HS6ST2: variants seen among roughly 807,000 people sequenced by gnomAD.
The protein encoded by HS6ST2 is heparan sulfate 6-O-sulfotransferase 2.
Under a neutral mutation model 33.0 loss-of-function variants are expected in HS6ST2, and 17 were observed. The ratio of observed to expected loss-of-function variants is 0.52; its 90% CI spans 0.35 to 0.77. The LOEUF is 0.77. Ranked by LOEUF, HS6ST2 falls within the 30% of genes least tolerant of loss-of-function variation. The pLI is 0.01. For synonymous variants in HS6ST2, 248 were observed against 237.1 expected (o/e 1.05, Z -0.42); for missense variants, 519 against 551.7 (o/e 0.94, Z 0.59).
intron 4 of HS6ST2, among the ~76,000 whole-genome samples, chrX:132,645,297 C>T (rs1378829291): frequency 5.3e-5 from 6 of 112,704 alleles, no homozygotes; most frequent in Non-Finnish European, 3.8e-5. Context: ...GGGCAGGAGG[C>T]CATCCAAAAA....
chrX:132,949,439 C>T (rs111994088), intron 2 of HS6ST2, among the ~76,000 whole-genome samples: 1,266 of 110,701 alleles, frequency 0.011, 8 homozygotes, highest in South Asian at 0.052. Flanking sequence ...CTATACCATA[C>T]TGGTATAAAA....
intron 2 of HS6ST2, among the ~76,000 whole-genome samples, chrX:132,756,461 C>T (rs951562387): frequency 9.0e-6 from 1 of 111,346 alleles, no homozygotes; most frequent in Admixed American, 9.6e-5. Context: ...CTCTCATTGA[C>T]TCCTTTGCCC....
At chrX:132,869,681 A>AAAC (rs2066036863) in intron 2 of HS6ST2, among the ~76,000 whole-genome samples, 1 of 112,098 alleles carries the variant, frequency 8.9e-6, no homozygotes, top group East Asian at 2.8e-4. Context: ...GATTATCTCA[A>AAAC]TACATGCAGA....
Position 132,922,313 on chromosome X carries a change from AC to A in HS6ST2, c.947+34494del, listed in dbSNP as rs2066660154. Among the ~76,000 whole-genome samples the A allele has an allele frequency of 2.7e-5, 3 of 112,017 alleles. No individual in the cohort carries two copies. The South Asian group carries it at 1.1e-3, about 42-fold the overall frequency. On this transcript the variant is annotated intron_variant, in intron 2 of 4. Coordinates refer to ENST00000370833, the MANE Select transcript of HS6ST2 (RefSeq NM_001394073.1). ...AGTCCCAGCTACTCCAAACAAAAAA[AC>A]AACTTCCTAGGCAGATGTGGATAGT...
chrX:132,849,782 T>C (rs1040060975), intron 2 of HS6ST2, among the ~76,000 whole-genome samples: 15 of 112,153 alleles, frequency 1.3e-4, no homozygotes, highest in African/African-American at 4.9e-4. Flanking sequence ...CAGAAAACTT[T>C]TAGAAAAGCT....
intron 4 of HS6ST2, among the ~76,000 whole-genome samples, chrX:132,656,978 C>T (rs1243561460): frequency 2.7e-5 from 3 of 111,446 alleles, no homozygotes; most frequent in Non-Finnish European, 5.7e-5. Context: ...GGCTCAATGG[C>T]CTGGGTGGCT....
intron 2 of HS6ST2, among the ~76,000 whole-genome samples, chrX:132,920,589 A>G (rs1344261119): frequency 1.8e-5 from 2 of 112,358 alleles, no homozygotes; most frequent in African/African-American, 6.5e-5. Flanking sequence ...ACTAGCTAAC[A>G]TTTTGATTTA....
At position 132,914,193 on chromosome X, in the gene HS6ST2, A is replaced by G. The variant is rs1306442021; in HGVS notation, c.947+42615T>C. 2.7e-5 allele frequency among the ~76,000 whole-genome samples: 3 copies of G among 112,731 alleles called. 1 individual carries two copies. Among genetic ancestry groups the G allele is most frequent in the Admixed American group, 1.9e-4 (2 of 10,676 alleles). The stretch of plus-strand genomic sequence containing the variant: ...CCCATTCTGCTCTCCCAGAGGGAGA[A>G]AAAGATTAAGGTGTCATGATGTTGC... On this transcript the variant is annotated intron_variant, in intron 2 of 4. Coordinates refer to ENST00000370833, the MANE Select transcript of HS6ST2 (RefSeq NM_001394073.1).
intron 2 of HS6ST2, among the ~76,000 whole-genome samples, chrX:132,900,142 C>T (rs1365623818): frequency 9.0e-6 from 1 of 111,605 alleles, no homozygotes; most frequent in African/African-American, 3.2e-5. Context: ...TGTTTTTCTT[C>T]TGCAGATGAT....
At chrX:132,635,129 T>C (rs2063543763) in intron 4 of HS6ST2, among the ~76,000 whole-genome samples, 1 of 112,000 alleles carries the variant, frequency 8.9e-6, no homozygotes, top group Non-Finnish European at 1.9e-5. Flanking sequence ...AACTTTTTCC[T>C]GTCACTGATA....
At chrX:132,956,396 G>T (rs1366180034) in intron 2 of HS6ST2, among the ~76,000 whole-genome samples, 1 of 110,952 alleles carries the variant, frequency 9.0e-6, no homozygotes, top group Admixed American at 9.5e-5. Context: ...GGAAGAGAGC[G>T]CTGAAAGGAG....
intron 2 of HS6ST2, among the ~76,000 whole-genome samples, chrX:132,833,629 T>G (rs1001589857): frequency 9.0e-6 from 1 of 110,868 alleles, no homozygotes; most frequent in African/African-American, 3.3e-5. Context: ...AGTCCCCACT[T>G]GGGGAAGTAA....
Position 132,846,995 on chromosome X carries a change from T to C in HS6ST2, c.947+109813A>G, listed in dbSNP as rs145675118. ...TAAGAGGAGAGTTCCCTGAATTTGG[T>C]ATTAATAGTCCATCAGAAGCAAGAG... On this transcript the variant is annotated intron_variant, in intron 2 of 4. Transcript: ENST00000370833. Among the ~76,000 whole-genome samples, 546 of 111,351 alleles carry C rather than the reference T, an allele frequency of 4.9e-3. 5 individuals are homozygous for C. The highest frequency in any genetic ancestry group is 0.017 in the African/African-American group (514 of 30,648).
intron 4 of HS6ST2, among the ~76,000 whole-genome samples, chrX:132,655,892 A>C (rs1410173385): frequency 1.8e-5 from 2 of 111,356 alleles, no homozygotes; most frequent in African/African-American, 6.5e-5. Flanking sequence ...AAAAACAAAG[A>C]CTCCAGCCTA....
intron 2 of HS6ST2, among the ~76,000 whole-genome samples, chrX:132,924,546 T>C (rs1167555348): frequency 2.7e-5 from 3 of 111,951 alleles, no homozygotes; most frequent in Non-Finnish European, 5.6e-5. Flanking sequence ...ATAGATGTTT[T>C]GTGTGCTAAT....
intron 3 of HS6ST2, among the ~76,000 whole-genome samples, chrX:132,678,551 C>G (rs1046573734): frequency 8.9e-6 from 1 of 112,601 alleles, no homozygotes; most frequent in Non-Finnish European, 1.9e-5. Context: ...ACAGATGAAA[C>G]TATTTCAATT....
chrX:132,778,222 T>C (rs1039196186), intron 2 of HS6ST2, among the ~76,000 whole-genome samples: 10 of 112,078 alleles, frequency 8.9e-5, no homozygotes, highest in East Asian at 2.8e-4. Context: ...TAAATTAAAA[T>C]AGACAATTGT....
At chrX:132,807,647 T>C (rs957539006) in intron 2 of HS6ST2, among the ~76,000 whole-genome samples, 7 of 111,617 alleles carry the variant, frequency 6.3e-5, no homozygotes, top group Non-Finnish European at 1.1e-4. Flanking sequence ...TTAAAAGACA[T>C]AGAAGGATTC....
chrX:132,692,221 G>A (rs12395504), intron 3 of HS6ST2, among the ~76,000 whole-genome samples: 14,681 of 110,376 alleles, frequency 0.13, 846 homozygotes, highest in East Asian at 0.26. Context: ...CCCAGCCCAC[G>A]CTCAGTTTAA....
Sources: gnomAD v4.1 joint callset for allele counts (sites outside exome capture counted in the v4.1 genomes callset) on GRCh38, gnomAD v4.1.1 for gene constraint, MANE v1.5 for transcripts, NCBI Gene and HGNC (gene_info 2026-07-23, HGNC 2026-07-21) for gene names.